The following DSCAML1 variants were observed in gnomAD, a reference collection of about 807,000 sequenced individuals.
The protein encoded by DSCAML1 is cell adhesion molecule DSCAML1.
A neutral mutation model predicts 200.5 loss-of-function variants in DSCAML1; 38 were observed. The ratio of observed to expected loss-of-function variants is 0.19; its 90% CI spans 0.15 to 0.25. The LOEUF is 0.25. DSCAML1 is among the 10% of genes least tolerant of loss of function. The pLI, the probability that DSCAML1 is intolerant of heterozygous loss-of-function variation, is 1.00. For synonymous variants in DSCAML1, 1,215 were observed against 1,165.0 expected (o/e 1.04, Z -0.87); for missense variants, 2,223 against 2,858.8 (o/e 0.78, Z 5.07).
At chr11:117,468,239 G>A (rs922484711) in intron 16 of DSCAML1, among the ~76,000 whole-genome samples, 3 of 152,086 alleles carry the variant, frequency 2.0e-5, no homozygotes, top group African/African-American at 7.2e-5. Context: ...CTCGTGGAAA[G>A]GGTCTTAAAA....
intron 3 of DSCAML1, among the ~76,000 whole-genome samples, chr11:117,679,897 C>G (rs935311868): frequency 6.6e-6 from 1 of 151,780 alleles, no homozygotes; most frequent in Non-Finnish European, 1.5e-5. Flanking sequence ...TGAGACCCTC[C>G]TCTCCATGAC....
Position 117,505,319 on chromosome 11 carries a change from G to A in DSCAML1, c.2062+135C>T. On this transcript the variant is annotated intron_variant, in intron 9 of 32. Coordinates refer to ENST00000651296, the MANE Select transcript of DSCAML1 (RefSeq NM_020693.4). This position sits in a 1 kb window ranked among gnomAD's most constrained non-coding sequence, Gnocchi z 6.7. ...CCTGCCCTGGAAAATAAGAGGTTTA[G>A]GCTCCAACAGGCCCTTCAAGATGCT... 2 of 1,251,400 alleles carry A rather than the reference G, an allele frequency of 1.6e-6. No individual in the cohort carries two copies. The highest frequency in any genetic ancestry group is 2.2e-6 in the Non-Finnish European group (2 of 918,154). 77.5% of individuals were successfully genotyped at this position (1,251,400 alleles called of 1,614,324 possible).
chr11:117,495,088 A>G (rs2049264901), intron 11 of DSCAML1, among the ~76,000 whole-genome samples: 1 of 152,212 alleles, frequency 6.6e-6, no homozygotes, highest in Non-Finnish European at 1.5e-5. Flanking sequence ...CTCAGTGCAG[A>G]GTGCCCAGGG....
chr11:117,512,958 G>A (rs1449079862), intron 8 of DSCAML1, among the ~76,000 whole-genome samples: 1 of 152,166 alleles, frequency 6.6e-6, no homozygotes, highest in Non-Finnish European at 1.5e-5. Flanking sequence ...AATAATTGAT[G>A]AGCAGAAGCA....
intron 3 of DSCAML1, among the ~76,000 whole-genome samples, chr11:117,634,995 C>T (rs1022412913): frequency 2.6e-5 from 4 of 152,206 alleles, no homozygotes; most frequent in Non-Finnish European, 5.9e-5. Flanking sequence ...TAAGTCCTCT[C>T]CTCCCTCAGC....
At position 117,461,455 on chromosome 11, in the gene DSCAML1, T is replaced by C; in HGVS notation, c.3407A>G (p.Asp1136Gly). The C allele has an allele frequency of 6.2e-7, 1 of 1,614,042 alleles. No homozygotes were observed. The highest frequency in any genetic ancestry group is 8.5e-7 in the Non-Finnish European group (1 of 1,180,010). Residue 1136 changes from aspartate to glycine, a missense_variant, in exon 18 of 33, where the codon GAT (aspartate) becomes GGT (glycine). This residue lies in a region of DSCAML1 where 438 missense variants were observed against 629.7 expected (regional missense o/e 0.70). Coordinates refer to ENST00000651296, the MANE Select transcript of DSCAML1 (RefSeq NM_020693.4). ...ATCAGTCCCAGCAGACTCACCCCCATCAACATAGAGGGACCAGAAGATGAC... is the reference window on the plus strand; with the variant it reads ...ATCAGTCCCAGCAGACTCACCCCCACCAACATAGAGGGACCAGAAGATGAC... ...YRVIFWSLYV[D>G]GEWGEMQNIT... is the part of the protein sequence containing the mutation.
At chr11:117,635,066 C>A (rs1295079473) in intron 3 of DSCAML1, among the ~76,000 whole-genome samples, 1 of 152,232 alleles carries the variant, frequency 6.6e-6, no homozygotes, top group South Asian at 2.1e-4. Context: ...GTCAGCAAAT[C>A]GCCCTTTCGG....
At chr11:117,531,747 G>A (rs1200803998) in intron 4 of DSCAML1, among the ~76,000 whole-genome samples, 6 of 151,982 alleles carry the variant, frequency 3.9e-5, no homozygotes, top group Non-Finnish European at 7.4e-5. Flanking sequence ...TTAGCCGGGC[G>A]TGGTGGCGCA....
intron 3 of DSCAML1, among the ~76,000 whole-genome samples, chr11:117,607,734 G>A (rs1374354732): frequency 6.6e-6 from 1 of 152,210 alleles, no homozygotes; most frequent in African/African-American, 2.4e-5. Context: ...CAGTACAGAT[G>A]GTGAGGGCAG....
At chr11:117,601,980 T>C (rs1031578412) in intron 3 of DSCAML1, among the ~76,000 whole-genome samples, 5 of 152,238 alleles carry the variant, frequency 3.3e-5, no homozygotes, top group African/African-American at 1.2e-4. Context: ...GCTGGAAGAA[T>C]TACCTTTTAC....
chr11:117,524,358 G>GACATACATCCTA (rs543742766), intron 5 of DSCAML1, among the ~76,000 whole-genome samples: 8 of 152,334 alleles, frequency 5.3e-5, no homozygotes, highest in Admixed American at 1.3e-4. Flanking sequence ...GTCACCCTAG[G>GACATACATCCTA]ATTGGGATGT....
intron 3 of DSCAML1, among the ~76,000 whole-genome samples, chr11:117,607,978 A>T (rs1018257202): frequency 6.6e-6 from 1 of 152,220 alleles, no homozygotes; most frequent in African/African-American, 2.4e-5. Context: ...TCTTTACGTG[A>T]TGAGCTTGAG....
At chr11:117,436,690 A>C (rs1010316622) in intron 26 of DSCAML1, among the ~76,000 whole-genome samples, 2 of 152,140 alleles carry the variant, frequency 1.3e-5, no homozygotes, top group South Asian at 4.1e-4. Context: ...ACAAATCAGT[A>C]CAGGGTTAAG....
intron 1 of DSCAML1, among the ~76,000 whole-genome samples, chr11:117,814,247 GCCCGCCTGCA>G (rs949968398): frequency 1.3e-5 from 2 of 152,022 alleles, no homozygotes; most frequent in African/African-American, 2.4e-5. Context: ...TTTGGACTCA[GCCCGCCTGCA>G]CCCAGGTGAA....
At chr11:117,443,862 C>G (rs1258657688) in intron 21 of DSCAML1, 24 bp downstream of exon 21, 1 of 1,563,188 alleles carries the variant, frequency 6.4e-7, no homozygotes, top group East Asian at 2.3e-5. Flanking sequence ...GTTTGCCCCT[C>G]TGCCACAGCC....
intron 3 of DSCAML1, among the ~76,000 whole-genome samples, chr11:117,713,420 A>T (rs570380269): frequency 6.6e-6 from 1 of 151,970 alleles, no homozygotes; most frequent in Non-Finnish European, 1.5e-5. Flanking sequence ...CCGGCCACCA[A>T]TGCCCTCTTG....
At chr11:117,597,424 C>T (rs2051383710) in intron 3 of DSCAML1, among the ~76,000 whole-genome samples, 1 of 152,156 alleles carries the variant, frequency 6.6e-6, no homozygotes, top group South Asian at 2.1e-4. Flanking sequence ...CCTTGCCAGC[C>T]TGCAAGAAGG....
intron 3 of DSCAML1, among the ~76,000 whole-genome samples, chr11:117,757,498 A>G (rs2137882998): frequency 6.6e-6 from 1 of 152,068 alleles, no homozygotes; most frequent in Non-Finnish European, 1.5e-5. Flanking sequence ...TATGTAAAAT[A>G]TTATGTACTA....
At chr11:117,442,291 G>A (rs1202523332) in intron 21 of DSCAML1, among the ~76,000 whole-genome samples, 2 of 151,426 alleles carry the variant, frequency 1.3e-5, no homozygotes, top group Non-Finnish European at 2.9e-5. Context: ...GTGTGTATGT[G>A]TGTATATGTG....
Sources: gnomAD v4.1 joint callset for allele counts (sites outside exome capture counted in the v4.1 genomes callset) on GRCh38, gnomAD v4.1.1 for gene constraint, gnomAD v4.1.1 regional missense constraint, Gnocchi (gnomAD v3.1) non-coding constraint, MANE v1.5 for transcripts, NCBI Gene and HGNC (gene_info 2026-07-23, HGNC 2026-07-21) for gene names.